The following MIDEAS variants were observed in gnomAD, a reference collection of about 807,000 sequenced individuals.
The protein encoded by MIDEAS is mitotic deacetylase associated SANT domain protein, also known as mitotic deacetylase-associated SANT domain protein.
A neutral mutation model predicts 102.7 loss-of-function variants in MIDEAS; 26 were observed. That is an observed-to-expected ratio of 0.25 (90% CI 0.19 to 0.35). MIDEAS has a LOEUF of 0.35. Among genes scored for constraint, MIDEAS ranks in the 10% least tolerant of loss-of-function variants. MIDEAS has a pLI of 1.00. For synonymous variants in MIDEAS, 585 were observed against 591.0 expected (o/e 0.99, Z 0.15); for missense variants, 1,231 against 1,435.6 (o/e 0.86, Z 2.30).
intron 1 of MIDEAS, among the ~76,000 whole-genome samples, chr14:73,752,560 G>A (rs1295659023): frequency 6.6e-6 from 1 of 152,048 alleles, no homozygotes; most frequent in Admixed American, 6.5e-5. Flanking sequence ...ACATGCTAGC[G>A]ACCAGGAAGC....
chr14:73,736,871 A>G (rs1003369044), intron 3 of MIDEAS, 127 bp downstream of exon 3: 2 of 1,005,368 alleles, frequency 2.0e-6, no homozygotes, highest in African/African-American at 3.2e-5. Context: ...GGTTTGGAAA[A>G]TAAAAATAGT....
At chr14:73,781,805 T>A (rs1363772006) in intron 1 of MIDEAS, among the ~76,000 whole-genome samples, 7 of 150,576 alleles carry the variant, frequency 4.6e-5, no homozygotes, top group Non-Finnish European at 1.0e-4. Flanking sequence ...CTCAACACTT[T>A]TTGAGGTTAG....
intron 1 of MIDEAS, among the ~76,000 whole-genome samples, chr14:73,785,704 TC>T (rs754319894): frequency 3.3e-5 from 5 of 152,128 alleles, no homozygotes; most frequent in Non-Finnish European, 5.9e-5. Flanking sequence ...ATCTCCCATC[TC>T]CTTTTCCTAC....
intron 1 of MIDEAS, among the ~76,000 whole-genome samples, chr14:73,749,515 G>A (rs1441816617): frequency 6.6e-6 from 1 of 150,684 alleles, no homozygotes; most frequent in African/African-American, 2.4e-5. Flanking sequence ...CAGCGTGCAT[G>A]AAAGACCAAG....
intron 1 of MIDEAS, among the ~76,000 whole-genome samples, chr14:73,776,667 G>A (rs1408006738): frequency 6.6e-6 from 1 of 151,898 alleles, no homozygotes; most frequent in African/African-American, 2.4e-5. Context: ...AGAGACACCT[G>A]TCCACCTGGC....
At chr14:73,786,781 C>T (rs1382775587) in intron 1 of MIDEAS, among the ~76,000 whole-genome samples, 2 of 152,226 alleles carry the variant, frequency 1.3e-5, no homozygotes, top group East Asian at 3.9e-4. Context: ...GATGGAGGCG[C>T]TGGGCGGAGG....
chr14:73,762,505 A>C (rs1267098628), upstream of MIDEAS, among the ~76,000 whole-genome samples: 1 of 152,184 alleles, frequency 6.6e-6, no homozygotes, highest in Admixed American at 6.5e-5. Context: ...TGTGCAGGGG[A>C]GGAGGGCTCA....
upstream of MIDEAS, chr14:73,790,094 A>C (rs1051927371): frequency 2.0e-5 from 3 of 152,236 alleles, no homozygotes; most frequent in East Asian, 1.9e-4. Context: ...GTCGTGGACT[A>C]TCTCTGATAA....
chr14:73,722,201 A>C (rs1366833513), intron 10 of MIDEAS, among the ~76,000 whole-genome samples: 1 of 152,240 alleles, frequency 6.6e-6, no homozygotes, highest in East Asian at 1.9e-4. Flanking sequence ...TATTTTTACC[A>C]GTACCTTCTA....
chr14:73,726,612 C>A lies in MIDEAS; in HGVS notation c.2401G>T (p.Asp801Tyr). The change falls in exon 7 of 13, where the codon GAC becomes TAC. Residue 801 changes from aspartate (D) to tyrosine (Y), a missense_variant. By Grantham distance (160) the Asp-to-Tyr change is radical. Coordinates refer to ENST00000423556, the MANE Select transcript of MIDEAS (RefSeq NM_001367710.1). ...ALHCLHESRG[D>Y]ILETLNKLLL... is the part of the protein sequence containing the mutation. Reference sequence around the variant, plus strand: ...TGGGGTTGCCTTCTCACCAGGATGTCTCCTCTGGATTCGTGCAGACAGTGC... The same window carrying A: ...TGGGGTTGCCTTCTCACCAGGATGTATCCTCTGGATTCGTGCAGACAGTGC... 1.9e-6 allele frequency: 3 copies of A among 1,614,140 alleles called. No individual in the cohort carries two copies. Among genetic ancestry groups the A allele is most frequent in the Non-Finnish European group, 2.5e-6 (3 of 1,180,004 alleles).
chr14:73,730,078 C>G, intron 3 of MIDEAS, 93 bp from the exon 4 acceptor site: 1 of 1,299,760 alleles, frequency 7.7e-7, no homozygotes, highest in Non-Finnish European at 1.1e-6. Context: ...ACCTTTGGAA[C>G]TTAGTCTGCC....
upstream of MIDEAS, among the ~76,000 whole-genome samples, chr14:73,760,768 G>A (rs2053547634): frequency 6.6e-6 from 1 of 152,148 alleles, no homozygotes; most frequent in Admixed American, 6.5e-5. This position sits in a 1 kb window ranked among gnomAD's most constrained non-coding sequence, Gnocchi z 4.8. Context: ...ACTGGCCTCA[G>A]TCCCTAGAAA....
intron 1 of MIDEAS, among the ~76,000 whole-genome samples, chr14:73,765,440 A>G (rs907017053): frequency 6.6e-5 from 10 of 152,182 alleles, no homozygotes; most frequent in Non-Finnish European, 1.5e-4. Context: ...TCTGGCACAC[A>G]CTAAGTCTTT....
intron 5 of MIDEAS, 109 bp downstream of exon 5, chr14:73,727,349 G>A: frequency 1.8e-5 from 21 of 1,157,538 alleles, no homozygotes; most frequent in Non-Finnish European, 2.4e-5. Flanking sequence ...GGCCCTCTCA[G>A]CCCTCTGCAG....
upstream of MIDEAS, among the ~76,000 whole-genome samples, chr14:73,761,588 C>A (rs1481052660): frequency 6.6e-6 from 1 of 152,154 alleles, no homozygotes; most frequent in Non-Finnish European, 1.5e-5. Context: ...AGGACTGGAC[C>A]AGAGGACCTC....
At chr14:73,727,068 G>A in intron 5 of MIDEAS, 96 bp from the exon 6 acceptor site, 3 of 1,439,566 alleles carry the variant, frequency 2.1e-6, no homozygotes, top group South Asian at 1.4e-5. Flanking sequence ...GGGGGAGCCG[G>A]CAGAGCAAGG....
At chr14:73,738,126 G>T (rs929102050) in intron 2 of MIDEAS, among the ~76,000 whole-genome samples, 1 of 152,068 alleles carries the variant, frequency 6.6e-6, no homozygotes. Context: ...GGCTGGACAC[G>T]GTGGCTCACG....
intron 1 of MIDEAS, among the ~76,000 whole-genome samples, chr14:73,776,961 C>T (rs1280620859): frequency 2.0e-5 from 3 of 151,924 alleles, no homozygotes; most frequent in African/African-American, 4.8e-5. Flanking sequence ...GTCCCAGCTA[C>T]TCGGGACGCT....
At chr14:73,729,225 T>G in intron 4 of MIDEAS, 1 of 160,278 alleles carries the variant, frequency 6.2e-6, no homozygotes, top group Non-Finnish European at 1.4e-5. Context: ...TGTTCCAGCT[T>G]TATGTGTGCT....
Sources: gnomAD v4.1 joint callset for allele counts (sites outside exome capture counted in the v4.1 genomes callset) on GRCh38, gnomAD v4.1.1 for gene constraint, Gnocchi (gnomAD v3.1) non-coding constraint, MANE v1.5 for transcripts, NCBI Gene and HGNC (gene_info 2026-07-23, HGNC 2026-07-21) for gene names.